NOX4: variants seen among roughly 807,000 people sequenced by gnomAD.
NOX4 encodes the protein NADPH oxidase 4.
A neutral mutation model predicts 87.6 loss-of-function variants in NOX4; 69 were observed. The ratio of observed to expected loss-of-function variants is 0.79; its 90% CI spans 0.65 to 0.96. NOX4 has a LOEUF of 0.96. Ranked by LOEUF, NOX4 falls within the 40% of genes least tolerant of loss-of-function variation. The pLI is 0.00. For missense variants in NOX4, 680 were observed against 681.5 expected, an observed-to-expected ratio of 1.00 and a Z score of 0.02; for synonymous variants, 275 against 238.2, an observed-to-expected ratio of 1.15 and a Z score of -1.42.
chr11:89,468,094 C>T (rs768279833), intron 2 of NOX4, among the ~76,000 whole-genome samples: 35 of 152,142 alleles, frequency 2.3e-4, no homozygotes, highest in Non-Finnish European at 4.9e-4. Context: ...GTACCTCCCA[C>T]CCACTGTCTA....
intron 8 of NOX4, among the ~76,000 whole-genome samples, chr11:89,406,683 C>CT (rs911236473): frequency 2.6e-5 from 4 of 152,018 alleles, no homozygotes; most frequent in Admixed American, 2.0e-4. Flanking sequence ...AGAAAAGTGG[C>CT]TATTGAGCAA....
At chr11:89,328,902 T>C (rs1276323786) in intron 17 of NOX4, among the ~76,000 whole-genome samples, 2 of 152,008 alleles carry the variant, frequency 1.3e-5, no homozygotes, top group African/African-American at 4.8e-5. Context: ...ATCAAGAACA[T>C]AGCCATCTGC....
At chr11:89,394,723 A>G (rs1258542891) in intron 11 of NOX4, among the ~76,000 whole-genome samples, 2 of 151,948 alleles carry the variant, frequency 1.3e-5, no homozygotes, top group Non-Finnish European at 2.9e-5. Flanking sequence ...TCATTCTTCA[A>G]TTCCCACCTA....
At chr11:89,454,611 C>T (rs1945108951) in intron 2 of NOX4, among the ~76,000 whole-genome samples, 1 of 152,070 alleles carries the variant, frequency 6.6e-6, no homozygotes, top group South Asian at 2.1e-4. Flanking sequence ...TCCAAACTTA[C>T]TGGCCAAATG....
chr11:89,503,442 A>T, the NOX4 span, among the ~76,000 whole-genome samples: 1 of 151,974 alleles, frequency 6.6e-6, no homozygotes, highest in African/African-American at 2.4e-5. Context: ...ACACAATGTT[A>T]AAAAAACTGC....
At chr11:89,494,857 G>A (rs919936918), upstream of NOX4, among the ~76,000 whole-genome samples, 1 of 152,218 alleles carries the variant, frequency 6.6e-6, no homozygotes, top group Non-Finnish European at 1.5e-5. Context: ...TAAAACAACA[G>A]AAATTTATCG....
chr11:89,383,514 C>T (rs1176588705), intron 11 of NOX4, among the ~76,000 whole-genome samples: 5 of 152,174 alleles, frequency 3.3e-5, no homozygotes, highest in African/African-American at 1.2e-4. Context: ...CTTTGGGTAA[C>T]TCTTACAGTG....
At chr11:89,454,399 T>C (rs1332550230) in intron 2 of NOX4, among the ~76,000 whole-genome samples, 3 of 152,092 alleles carry the variant, frequency 2.0e-5, no homozygotes, top group Admixed American at 6.5e-5. Context: ...AAAATAATAA[T>C]AATTAGGTCC....
the NOX4 span, among the ~76,000 whole-genome samples, chr11:89,569,560 T>C: frequency 6.6e-6 from 1 of 152,108 alleles, no homozygotes; most frequent in Admixed American, 6.5e-5. Flanking sequence ...GCTGATGAGA[T>C]TAAGGAGAAA....
chr11:89,375,894 A>G (rs1456590688), intron 11 of NOX4, among the ~76,000 whole-genome samples: 3 of 152,226 alleles, frequency 2.0e-5, no homozygotes, highest in Non-Finnish European at 2.9e-5. Context: ...ATGGAAGGCA[A>G]AGAATGTTTG....
chr11:89,579,737 G>A, the NOX4 span, among the ~76,000 whole-genome samples: 1 of 151,980 alleles, frequency 6.6e-6, no homozygotes, highest in Admixed American at 6.6e-5. Flanking sequence ...AGGGAGTGAG[G>A]GGTTATAGGG....
At chr11:89,530,453 C>T in the NOX4 span, among the ~76,000 whole-genome samples, 9 of 150,996 alleles carry the variant, frequency 6.0e-5, no homozygotes, top group African/African-American at 2.2e-4. Context: ...AGTGATTCTC[C>T]TGCCTCAGCC....
At chr11:89,384,009 T>C (rs563402715) in intron 11 of NOX4, among the ~76,000 whole-genome samples, 2 of 152,260 alleles carry the variant, frequency 1.3e-5, no homozygotes, top group East Asian at 3.9e-4. Context: ...TTAAGGCCTG[T>C]AATCACTCGC....
intron 12 of NOX4, among the ~76,000 whole-genome samples, chr11:89,355,812 C>T (rs1938002052): frequency 6.6e-6 from 1 of 151,974 alleles, no homozygotes; most frequent in East Asian, 1.9e-4. Flanking sequence ...AGGGACACAC[C>T]CTGCAGAAAC....
chr11:89,536,377 AC>A, the NOX4 span, among the ~76,000 whole-genome samples: 1 of 151,726 alleles, frequency 6.6e-6, no homozygotes, highest in Admixed American at 6.6e-5. Flanking sequence ...CGATCTCCTG[AC>A]TTCGTGATCC....
At chr11:89,421,052 T>C (rs1482737820) in intron 8 of NOX4, among the ~76,000 whole-genome samples, 3 of 152,168 alleles carry the variant, frequency 2.0e-5, no homozygotes, top group African/African-American at 7.2e-5. Context: ...AGTTGCTACA[T>C]GAAGGAGTGG....
intron 2 of NOX4, among the ~76,000 whole-genome samples, chr11:89,463,872 T>G (rs143012534): frequency 1.1e-4 from 17 of 152,130 alleles, no homozygotes; most frequent in Non-Finnish European, 2.1e-4. Flanking sequence ...TTGAGAGTGA[T>G]AGGTTTTTCT....
At chr11:89,469,891 A>T (rs1486580041) in intron 2 of NOX4, among the ~76,000 whole-genome samples, 2 of 151,816 alleles carry the variant, frequency 1.3e-5, no homozygotes, top group South Asian at 2.1e-4. Context: ...ACTTTCTACT[A>T]CCAAACTTCT....
At chr11:89,556,288 C>T in the NOX4 span, among the ~76,000 whole-genome samples, 1 of 152,046 alleles carries the variant, frequency 6.6e-6, no homozygotes, top group Non-Finnish European at 1.5e-5. Flanking sequence ...AATTCTAGCA[C>T]AAGGCGAGTG....
Sources: allele counts gnomAD v4.1 joint callset (sites outside exome capture counted in the v4.1 genomes callset), GRCh38; gene constraint gnomAD v4.1.1; transcripts MANE v1.5; gene names NCBI Gene and HGNC (gene_info 2026-07-23, HGNC 2026-07-21).